ANKIB1: variants seen among roughly 807,000 people sequenced by gnomAD.
ANKIB1 encodes the protein ankyrin repeat and IBR domain-containing protein 1.
ANKIB1 carries 43 observed loss-of-function variants against 122.1 expected under a neutral mutation model. The observed-to-expected ratio is 0.35, with a 90% CI of 0.28 to 0.45. The LOEUF (loss-of-function observed/expected upper bound fraction) is 0.45. Among genes scored for constraint, ANKIB1 ranks in the 20% least tolerant of loss-of-function variants. ANKIB1 has a pLI of 1.00. For synonymous variants in ANKIB1, 390 were observed against 442.0 expected (o/e 0.88, Z 1.48); for missense variants, 992 against 1,329.5 (o/e 0.75, Z 3.95).
At chr7:92,370,030 G>A (rs1289908208) in intron 10 of ANKIB1, among the ~76,000 whole-genome samples, 1 of 152,146 alleles carries the variant, frequency 6.6e-6, no homozygotes, top group Admixed American at 6.6e-5. Flanking sequence ...GTTTGATTAG[G>A]GATGGAGGGT....
intron 11 of ANKIB1, among the ~76,000 whole-genome samples, 173 bp from the exon 12 acceptor site, chr7:92,386,336 A>G (rs1034061661): frequency 6.6e-6 from 1 of 152,212 alleles, no homozygotes; most frequent in Admixed American, 6.5e-5. Flanking sequence ...TCTTTCCATA[A>G]TGCAGATAAG....
chr7:92,363,802 G>A (rs1750100406), intron 10 of ANKIB1, among the ~76,000 whole-genome samples: 1 of 151,378 alleles, frequency 6.6e-6, no homozygotes, highest in African/African-American at 2.4e-5. Context: ...GGGTCATTTT[G>A]TCCACTGACT....
chr7:92,255,494 G>A (rs984407970), intron 1 of ANKIB1, among the ~76,000 whole-genome samples: 3 of 152,142 alleles, frequency 2.0e-5, no homozygotes, highest in Non-Finnish European at 4.4e-5. Flanking sequence ...TCTTCAGATG[G>A]CATTCCAGAC....
chr7:92,362,981 A>G (rs1238213196), intron 10 of ANKIB1, among the ~76,000 whole-genome samples: 1 of 152,098 alleles, frequency 6.6e-6, no homozygotes, highest in Middle Eastern at 3.2e-3. Context: ...ATAATTTCCC[A>G]TCTTCTAAAG....
At chr7:92,365,752 G>T (rs1804059033) in intron 10 of ANKIB1, among the ~76,000 whole-genome samples, 1 of 149,336 alleles carries the variant, frequency 6.7e-6, no homozygotes, top group Non-Finnish European at 1.5e-5. Context: ...GTGGGAGGGG[G>T]CATATACAGG....
At chr7:92,391,672 A>T (rs1395388194) in intron 16 of ANKIB1, among the ~76,000 whole-genome samples, 1 of 152,190 alleles carries the variant, frequency 6.6e-6, no homozygotes, top group South Asian at 2.1e-4. Context: ...TTTGATAGTT[A>T]TAAACATCTT....
intron 10 of ANKIB1, among the ~76,000 whole-genome samples, chr7:92,369,175 A>C (rs1804172966): frequency 6.6e-6 from 1 of 152,202 alleles, no homozygotes; most frequent in Non-Finnish European, 1.5e-5. Context: ...ATTAGCCCTA[A>C]GTATACTAAG....
At chr7:92,326,408 A>G (rs548185578) in intron 4 of ANKIB1, among the ~76,000 whole-genome samples, 1 of 152,234 alleles carries the variant, frequency 6.6e-6, no homozygotes, top group South Asian at 2.1e-4. Context: ...CTCTCTCCCT[A>G]TTTGGTTCAA....
intron 10 of ANKIB1, 100 bp from the exon 11 acceptor site, chr7:92,371,377 T>G: frequency 1.0e-6 from 1 of 986,310 alleles, no homozygotes; most frequent in African/African-American, 1.6e-5. Flanking sequence ...TTATTAAAAT[T>G]GAGAGACAGC....
intron 1 of ANKIB1, among the ~76,000 whole-genome samples, chr7:92,264,396 T>A (rs560576281): frequency 1.7e-4 from 25 of 147,404 alleles, no homozygotes; most frequent in African/African-American, 3.7e-4. Context: ...TCAATAAAAA[T>A]TTTTTTTTTT....
chr7:92,298,504 T>C (rs1802399533), intron 2 of ANKIB1, among the ~76,000 whole-genome samples: 1 of 152,018 alleles, frequency 6.6e-6, no homozygotes, highest in Non-Finnish European at 1.5e-5. Context: ...ATGGAAAACA[T>C]ATAAGTAAGT....
At chr7:92,314,097 A>G (rs1293083471) in intron 3 of ANKIB1, among the ~76,000 whole-genome samples, 4 of 152,048 alleles carry the variant, frequency 2.6e-5, no homozygotes, top group Non-Finnish European at 5.9e-5. Flanking sequence ...CAAAAGTTCA[A>G]GATCAGCCTG....
chr7:92,324,994 G>C (rs1016474790), intron 4 of ANKIB1, among the ~76,000 whole-genome samples: 1 of 152,178 alleles, frequency 6.6e-6, no homozygotes, highest in Non-Finnish European at 1.5e-5. Context: ...TGGAGAGTGG[G>C]AACTGCTATA....
chr7:92,268,426 T>C (rs745527452), intron 1 of ANKIB1, among the ~76,000 whole-genome samples: 1 of 152,226 alleles, frequency 6.6e-6, no homozygotes, highest in African/African-American at 2.4e-5. Flanking sequence ...AATTAAAAAC[T>C]GAAGCGATCA....
rs544267017 is a variant in ANKIB1 at position 92,356,978 on chromosome 7, A to ATT, written c.1397+4337_1397+4338dup. Among the ~76,000 whole-genome samples the ATT allele has an allele frequency of 2.6e-4, 39 of 152,356 alleles. No homozygotes were observed. In the East Asian group the frequency reaches 6.8e-3, roughly 26 times the overall value. On this transcript the variant is annotated intron_variant, in intron 9 of 19. Transcript: ENST00000265742. Reference sequence around the variant, plus strand: ...CTACTTAATTCACTCAGAATTGCTTATTAATAAAAAGTTCTAAAATGGCAT... The same window carrying ATT: ...CTACTTAATTCACTCAGAATTGCTTATTTTAATAAAAAGTTCTAAAATGGCAT...
At chr7:92,352,445 C>A in intron 8 of ANKIB1, 31 bp from the exon 9 acceptor site, 1 of 1,606,552 alleles carries the variant, frequency 6.2e-7, no homozygotes, top group Non-Finnish European at 8.5e-7. Context: ...AAAATATTTT[C>A]TTTTGTGTTT....
intron 19 of ANKIB1, 139 bp from the exon 20 acceptor site, chr7:92,398,073 A>G: frequency 9.1e-7 from 1 of 1,094,020 alleles, no homozygotes; most frequent in East Asian, 2.9e-5. Context: ...GAAAAATACA[A>G]GATTTTAGTA....
chr7:92,365,331 A>G (rs868310955), intron 10 of ANKIB1, among the ~76,000 whole-genome samples: 40 of 152,352 alleles, frequency 2.6e-4, no homozygotes, highest in African/African-American at 5.3e-4. Context: ...TTGATGCTCA[A>G]GCTGCATGTT....
chr7:92,285,433 G>T (rs1802100341), intron 1 of ANKIB1, among the ~76,000 whole-genome samples: 1 of 152,086 alleles, frequency 6.6e-6, no homozygotes, highest in African/African-American at 2.4e-5. Flanking sequence ...TTATATTGGT[G>T]GACGTTTTAG....
Sources: allele counts gnomAD v4.1 joint callset (sites outside exome capture counted in the v4.1 genomes callset), GRCh38; gene constraint gnomAD v4.1.1; transcripts MANE v1.5; gene names NCBI Gene and HGNC (gene_info 2026-07-23, HGNC 2026-07-21).